TEC: variants seen among roughly 807,000 people sequenced by gnomAD.
The protein encoded by TEC is tec protein tyrosine kinase.
A neutral mutation model predicts 93.0 loss-of-function variants in TEC; 72 were observed. The ratio of observed to expected loss-of-function variants is 0.77; its 90% CI spans 0.64 to 0.94. TEC has a LOEUF of 0.94. Ranked by LOEUF, TEC falls within the 40% of genes least tolerant of loss-of-function variation. The pLI, the probability that TEC is intolerant of heterozygous loss-of-function variation, is 0.00. For missense variants in TEC, 630 were observed against 757.9 expected (o/e 0.83, Z 1.98); for synonymous variants, 249 against 247.7 (o/e 1.01, Z -0.05).
chr4:48,168,542 C>A, intron 6 of TEC, 44 bp downstream of exon 6: 1 of 1,597,366 alleles, frequency 6.3e-7, no homozygotes, highest in Admixed American at 1.7e-5. Context: ...GACTTAAAGG[C>A]TTAAAATGTA....
intron 7 of TEC, among the ~76,000 whole-genome samples, chr4:48,166,715 T>A (rs912776265): frequency 4.0e-5 from 6 of 151,794 alleles, no homozygotes; most frequent in Non-Finnish European, 2.9e-5. Context: ...AAATTAAAAA[T>A]AGAAATCAAT....
At chr4:48,201,957 T>A (rs1173227195) in intron 2 of TEC, among the ~76,000 whole-genome samples, 13 of 145,124 alleles carry the variant, frequency 9.0e-5, no homozygotes, top group South Asian at 2.3e-4. Flanking sequence ...GGCTTATTTT[T>A]TTTTTTTTTT....
chr4:48,145,603 T>C (rs1719875825), intron 12 of TEC, 24 bp from the exon 13 acceptor site: 5 of 1,610,218 alleles, frequency 3.1e-6, no homozygotes, highest in Non-Finnish European at 3.4e-6. Flanking sequence ...AGTGAAAGTG[T>C]TCATATTTAA....
intron 1 of TEC, among the ~76,000 whole-genome samples, chr4:48,262,850 A>C (rs1046707170): frequency 6.6e-6 from 1 of 152,232 alleles, no homozygotes; most frequent in Non-Finnish European, 1.5e-5. Context: ...CTCCATTGTC[A>C]CAATCGCCAG....
At chr4:48,207,618 C>CAAAAA (rs34141042) in intron 2 of TEC, among the ~76,000 whole-genome samples, 4 of 102,516 alleles carry the variant, frequency 3.9e-5, no homozygotes, top group Non-Finnish European at 5.8e-5. Context: ...CATGTCTCTA[C>CAAAAA]AAAAAAAAAA....
chr4:48,147,811 T>C (rs551193755), intron 11 of TEC, among the ~76,000 whole-genome samples: 1 of 152,308 alleles, frequency 6.6e-6, no homozygotes, highest in South Asian at 2.1e-4. Context: ...AACTCAATAA[T>C]AGGTAGAAGT....
At position 48,135,881 on chromosome 4, in the gene TEC, C is replaced by G. The variant is rs1386436853; in HGVS notation, c.*1535G>C. ...GGATGGACTGCCTGGTGCACAGACT[C>G]TAGACTGACCAGGATGAAATGAAAT... On this transcript the variant is annotated 3_prime_UTR_variant, in exon 18 of 18. Coordinates refer to ENST00000381501, the MANE Select transcript of TEC (RefSeq NM_003215.3). 1.3e-5 allele frequency: 2 copies of G among 152,220 alleles called. No homozygotes were observed. Among genetic ancestry groups the G allele is most frequent in the Non-Finnish European group, 2.9e-5 (2 of 68,090 alleles). The allele number at this position is 152,220 out of a possible 1,614,324, so 9.4% of individuals were successfully genotyped here. A position where few individuals can be genotyped will look rare whatever the true frequency, so the allele number is the denominator to read the frequency against.
At chr4:48,238,368 T>C (rs760037201) in intron 1 of TEC, among the ~76,000 whole-genome samples, 4 of 152,220 alleles carry the variant, frequency 2.6e-5, no homozygotes, top group Admixed American at 1.3e-4. Context: ...TGCTAACCTG[T>C]TGAAGGTAGA....
At chr4:48,183,841 T>A (rs1721695048) in intron 2 of TEC, among the ~76,000 whole-genome samples, 1 of 152,052 alleles carries the variant, frequency 6.6e-6, no homozygotes, top group South Asian at 2.1e-4. Flanking sequence ...TAATACAAAC[T>A]CACTCCCCAA....
intron 1 of TEC, among the ~76,000 whole-genome samples, chr4:48,234,641 A>G (rs1207573554): frequency 2.0e-5 from 3 of 152,262 alleles, no homozygotes; most frequent in Non-Finnish European, 4.4e-5. Flanking sequence ...AATCACAGGT[A>G]TGCTACAGAG....
intron 2 of TEC, among the ~76,000 whole-genome samples, chr4:48,193,161 GATTTT>G (rs1258632476): frequency 1.0e-5 from 1 of 96,520 alleles, no homozygotes; most frequent in Non-Finnish European, 2.2e-5. Flanking sequence ...CTTTTTTTCT[GATTTT>G]TTTTTTTTTT....
intron 2 of TEC, among the ~76,000 whole-genome samples, chr4:48,197,049 C>A (rs1722322647): frequency 6.6e-6 from 1 of 152,206 alleles, no homozygotes; most frequent in African/African-American, 2.4e-5. Context: ...AATTCCTCTT[C>A]AAAGCACAAG....
intron 6 of TEC, 45 bp downstream of exon 6, chr4:48,168,541 G>A (rs763892402): frequency 1.4e-5 from 22 of 1,585,636 alleles, no homozygotes; most frequent in South Asian, 2.2e-5. Flanking sequence ...AGACTTAAAG[G>A]CTTAAAATGT....
At chr4:48,224,459 C>T (rs1192468424) in intron 2 of TEC, among the ~76,000 whole-genome samples, 1 of 152,216 alleles carries the variant, frequency 6.6e-6, no homozygotes, top group African/African-American at 2.4e-5. Context: ...GGAGCCTCCA[C>T]TGAAACATTG....
At position 48,213,925 on chromosome 4, in the gene TEC, G is replaced by C. The variant is rs74558179; in HGVS notation, c.138+14552C>G. Among the ~76,000 whole-genome samples, 916 of 151,958 alleles carry C rather than the reference G, an allele frequency of 6.0e-3. 14 individuals are homozygous for C. Among genetic ancestry groups the C allele is most frequent in the African/African-American group, 0.021 (887 of 41,404 alleles). On this transcript the variant is annotated intron_variant, in intron 2 of 17. Coordinates refer to ENST00000381501, the MANE Select transcript of TEC (RefSeq NM_003215.3). Reference sequence around the variant, plus strand: ...CTGACCTCAGCCTCCTGAGTAACTGGGATTATAAGTGCTAGCCACTATGCC... The same window carrying C: ...CTGACCTCAGCCTCCTGAGTAACTGCGATTATAAGTGCTAGCCACTATGCC...
At chr4:48,184,041 T>TA (rs926933835) in intron 2 of TEC, among the ~76,000 whole-genome samples, 18 of 152,034 alleles carry the variant, frequency 1.2e-4, no homozygotes, top group South Asian at 2.1e-4. Flanking sequence ...CTTTTATTAT[T>TA]AAAAAAAAGA....
intron 1 of TEC, among the ~76,000 whole-genome samples, chr4:48,232,800 T>C (rs1723684798): frequency 6.6e-6 from 1 of 152,156 alleles, no homozygotes; most frequent in Admixed American, 6.6e-5. Flanking sequence ...AACAAATAAA[T>C]ATGTGCCAGG....
At chr4:48,164,710 G>T (rs1720810621) in intron 7 of TEC, among the ~76,000 whole-genome samples, 1 of 152,070 alleles carries the variant, frequency 6.6e-6, no homozygotes, top group Non-Finnish European at 1.5e-5. Flanking sequence ...TTAGAAAAAT[G>T]TCAAATTGTG....
chr4:48,192,905 G>T (rs542091317), intron 2 of TEC, among the ~76,000 whole-genome samples: 1 of 152,260 alleles, frequency 6.6e-6, no homozygotes, highest in South Asian at 2.1e-4. Context: ...TTCAAGGCAG[G>T]TCTAATAAAG....
Sources: allele counts gnomAD v4.1 joint callset (sites outside exome capture counted in the v4.1 genomes callset), GRCh38; gene constraint gnomAD v4.1.1; transcripts MANE v1.5; gene names NCBI Gene and HGNC (gene_info 2026-07-23, HGNC 2026-07-21).